The following SGK1 variants were observed in gnomAD, a reference collection of about 807,000 sequenced individuals.
SGK1 encodes serine/threonine-protein kinase Sgk1.
A neutral mutation model predicts 64.2 loss-of-function variants in SGK1; 26 were observed. That is an observed-to-expected ratio of 0.40 (90% CI 0.30 to 0.56). The LOEUF (loss-of-function observed/expected upper bound fraction) is 0.56. Among genes scored for constraint, SGK1 ranks in the 20% least tolerant of loss-of-function variants. SGK1 has a pLI of 0.38. For missense variants in SGK1, 519 were observed against 645.6 expected (o/e 0.80, Z 2.12); for synonymous variants, 265 against 239.7 (o/e 1.11, Z -0.98).
Position 134,174,491 on chromosome 6 carries a change from T to G in SGK1, c.437+20A>C. ...AATTCAAACTATACTAGTTATTTCC[T>G]CAAATCCGGTCAAACTTACTGTTTG... On this transcript the variant is annotated intron_variant, in intron 4 of 13. Coordinates refer to ENST00000367858, the MANE Select transcript of SGK1 (RefSeq NM_001143676.3). The G allele has an allele frequency of 6.3e-7, 1 of 1,593,868 alleles. No individual in the cohort carries two copies. Among genetic ancestry groups the G allele is most frequent in the Non-Finnish European group, 8.6e-7 (1 of 1,161,872 alleles).
intron 1 of SGK1, among the ~76,000 whole-genome samples, chr6:134,293,645 C>T (rs939373585): frequency 3.4e-4 from 52 of 152,068 alleles, no homozygotes; most frequent in African/African-American, 1.2e-3. Context: ...GGTTATCTTT[C>T]GTGAGTTAGG....
At chr6:134,227,782 C>G (rs560007382) in intron 2 of SGK1, among the ~76,000 whole-genome samples, 1 of 151,972 alleles carries the variant, frequency 6.6e-6, no homozygotes, top group African/African-American at 2.4e-5. Context: ...CAAATACGCA[C>G]GTACTAAAAG....
intron 2 of SGK1, among the ~76,000 whole-genome samples, chr6:134,216,218 G>A (rs1775978971): frequency 6.6e-6 from 1 of 152,040 alleles, no homozygotes; most frequent in Admixed American, 6.6e-5. Context: ...TTTGCATATG[G>A]CTTTCCATGG....
intron 3 of SGK1, among the ~76,000 whole-genome samples, chr6:134,176,240 T>G (rs1775229964): frequency 2.0e-5 from 3 of 152,106 alleles, no homozygotes; most frequent in Non-Finnish European, 2.9e-5. Context: ...GGTCTTAAAA[T>G]CGTCCCTACC....
intron 3 of SGK1, chr6:134,174,870 A>T: frequency 6.2e-7 from 1 of 1,609,404 alleles, no homozygotes; most frequent in South Asian, 1.1e-5. Flanking sequence ...ATGCTGCGCC[A>T]GGCCGCGCGC....
chr6:134,216,094 T>C (rs577756996), intron 2 of SGK1, among the ~76,000 whole-genome samples: 1 of 152,232 alleles, frequency 6.6e-6, no homozygotes, highest in Non-Finnish European at 1.5e-5. Flanking sequence ...TTTTTTTCTT[T>C]TTATAAAAAA....
chr6:134,309,322 G>A (rs1369222364), intron 1 of SGK1, among the ~76,000 whole-genome samples: 2 of 152,130 alleles, frequency 1.3e-5, no homozygotes, highest in African/African-American at 4.8e-5. Flanking sequence ...GGAGGCCAAC[G>A]CAGCACCGAA....
intron 1 of SGK1, among the ~76,000 whole-genome samples, chr6:134,295,301 C>T (rs1480499279): frequency 6.6e-6 from 1 of 152,112 alleles, no homozygotes; most frequent in Non-Finnish European, 1.5e-5. Flanking sequence ...GGCCCCATCT[C>T]AGCTATATAA....
chr6:134,278,581 T>C (rs947296491), intron 1 of SGK1, among the ~76,000 whole-genome samples: 3 of 152,224 alleles, frequency 2.0e-5, no homozygotes, highest in African/African-American at 7.2e-5. Flanking sequence ...TTGTGCTGTA[T>C]TGGTAATGGT....
chr6:134,243,396 T>A (rs1776476943), intron 2 of SGK1, among the ~76,000 whole-genome samples: 1 of 152,064 alleles, frequency 6.6e-6, no homozygotes, highest in South Asian at 2.1e-4. Context: ...TTAGATGGAG[T>A]TTCCCTCTTG....
At chr6:134,248,003 A>G (rs1776550631) in intron 2 of SGK1, among the ~76,000 whole-genome samples, 1 of 152,000 alleles carries the variant, frequency 6.6e-6, no homozygotes, top group African/African-American at 2.4e-5. Context: ...ATCTTTGATA[A>G]ACGGCCAAGT....
intron 1 of SGK1, among the ~76,000 whole-genome samples, chr6:134,273,592 CAAAAAAAAAAAAAAAAAA>C (rs58634499): frequency 6.2e-5 from 1 of 16,208 alleles, no homozygotes; most frequent in Non-Finnish European, 1.2e-4. Flanking sequence ...GACTCCGTCT[CAAAAAAAAAAAAAAAAAA>C]AAAAAAAAAA....
At chr6:134,238,054 G>T (rs9493870) in intron 2 of SGK1, among the ~76,000 whole-genome samples, 23,872 of 151,974 alleles carry the variant, frequency 0.16, 3,137 homozygotes, top group African/African-American at 0.36. Context: ...GAGTATAATT[G>T]TTCCAGAGTT....
chr6:134,199,819 T>C (rs987079601), intron 3 of SGK1, among the ~76,000 whole-genome samples: 1 of 152,164 alleles, frequency 6.6e-6, no homozygotes, highest in Non-Finnish European at 1.5e-5. Context: ...AGTGGTAGAA[T>C]TGTCTTGTTA....
At position 134,298,522 on chromosome 6, in the gene SGK1, C is replaced by A. The variant is rs114845126; in HGVS notation, c.69+18870G>T. 3,081 of 802,350 alleles carry A rather than the reference C, an allele frequency of 3.8e-3. 55 individuals are homozygous for A. In the African/African-American group the frequency reaches 0.045, roughly 12 times the overall value. The allele number at this position is 802,350 out of a possible 1,614,324, so 49.7% of individuals were successfully genotyped here. ...GTGACGGCAGTGATGCCTCCCATGC[C>A]GCTGGCCCCACCATAGCCTCCACCC... On this transcript the variant is annotated intron_variant, in intron 1 of 13. Transcript: ENST00000367858.
chr6:134,170,372 T>A lies in SGK1; in HGVS notation c.1477A>T (p.Ile493Phe). The A allele has an allele frequency of 6.2e-7, 1 of 1,614,104 alleles. No individual in the cohort carries two copies. Among genetic ancestry groups the A allele is most frequent in the Non-Finnish European group, 8.5e-7 (1 of 1,179,990 alleles). ...AGGACGCTGTCAGGGGACTTGCCAA[T>A]GGAGTTGGGGACAGGCTCTTCGGTA... is the stretch of plus-strand genomic sequence containing the variant. ...EFTEEPVPNS[I>F]GKSPDSVLVT... The change falls in exon 14 of 14, where the codon ATT becomes TTT. Residue 493 changes from isoleucine to phenylalanine, a missense_variant. Ile to Phe is a conservative substitution (Grantham distance 21). Transcript: ENST00000367858.
At chr6:134,286,037 T>C (rs1392072679) in intron 1 of SGK1, among the ~76,000 whole-genome samples, 1 of 152,200 alleles carries the variant, frequency 6.6e-6, no homozygotes, top group African/African-American at 2.4e-5. Context: ...TCTTTAGAAG[T>C]CTTATTGCAG....
intron 2 of SGK1, among the ~76,000 whole-genome samples, chr6:134,235,539 A>T (rs1045389742): frequency 2.3e-5 from 3 of 131,782 alleles, no homozygotes; most frequent in South Asian, 2.3e-4. Context: ...AAAAATAGAT[A>T]TTTTTATTTA....
intron 1 of SGK1, among the ~76,000 whole-genome samples, chr6:134,294,989 C>T (rs1321776688): frequency 1.3e-5 from 2 of 152,128 alleles, no homozygotes; most frequent in African/African-American, 4.8e-5. Flanking sequence ...ATTGCAGGTC[C>T]TGGTAAAACG....
Sources: allele counts gnomAD v4.1 joint callset (sites outside exome capture counted in the v4.1 genomes callset), GRCh38; gene constraint gnomAD v4.1.1; transcripts MANE v1.5; gene names NCBI Gene and HGNC (gene_info 2026-07-23, HGNC 2026-07-21).